ATP8B4: variants seen among roughly 807,000 people sequenced by gnomAD.
ATP8B4 encodes probable phospholipid-transporting ATPase IM.
A neutral mutation model predicts 145.6 loss-of-function variants in ATP8B4; 133 were observed. That is an observed-to-expected ratio of 0.91 (90% CI 0.79 to 1.05). ATP8B4 has a LOEUF of 1.05. Among genes scored for constraint, ATP8B4 ranks in the 50% least tolerant of loss-of-function variants. The pLI is 0.00. For synonymous variants in ATP8B4, 507 were observed against 492.9 expected, an observed-to-expected ratio of 1.03 and a Z score of -0.38; for missense variants, 1,458 against 1,425.2, an observed-to-expected ratio of 1.02 and a Z score of -0.37.
At chr15:49,898,323 TTTTGTTTGCTAAAACCATTTCA>T (rs1719961787) in intron 21 of ATP8B4, 72 bp from the exon 22 acceptor site, 2 of 1,445,154 alleles carry the variant, frequency 1.4e-6, no homozygotes, top group African/African-American at 1.4e-5. Context: ...AAGACAAATG[TTTTGTTTGCTAAAACCATTTCA>T]TTTGTTTGCT....
chr15:50,103,462 A>G (rs780507187), intron 2 of ATP8B4, among the ~76,000 whole-genome samples: 13 of 152,160 alleles, frequency 8.5e-5, no homozygotes, highest in Non-Finnish European at 1.9e-4. Flanking sequence ...TCAAGCTGAG[A>G]ATCAAATGAA....
chr15:49,870,417 G>C (rs749857141), intron 25 of ATP8B4, among the ~76,000 whole-genome samples: 1 of 152,106 alleles, frequency 6.6e-6, no homozygotes, highest in Admixed American at 6.6e-5. Context: ...TGTACTCTTT[G>C]AAATGTTTAA....
Position 50,010,893 on chromosome 15 carries a change from A to T in ATP8B4, c.387T>A (p.Asn129Lys). 6.4e-7 allele frequency: 1 copy of T among 1,561,368 alleles called. No homozygotes were observed. The highest frequency in any genetic ancestry group is 2.4e-5 in the East Asian group (1 of 41,854). The change falls in exon 7 of 28, where the codon AAT becomes AAA. Residue 129 changes from asparagine to lysine, a missense_variant. By Grantham distance (94) the Asn-to-Lys change is moderately conservative. Transcript: ENST00000284509. ...ATTTAATGATGTCTCCCACTTTGAC[A>T]TTCATCCATTTTTCATTCTGCAGTC... The part of the protein sequence containing the change: ...NSKLQNEKWM[N>K]VKVGDIIKLE...
chr15:49,960,006 C>T (rs1026680464), intron 14 of ATP8B4, among the ~76,000 whole-genome samples: 3 of 151,126 alleles, frequency 2.0e-5, no homozygotes, highest in Non-Finnish European at 4.4e-5. Context: ...AATGTTAGAG[C>T]CTTGAGCCTT....
At chr15:50,146,158 G>A (rs187985973) in intron 1 of ATP8B4, among the ~76,000 whole-genome samples, 4 of 152,052 alleles carry the variant, frequency 2.6e-5, no homozygotes, top group South Asian at 4.2e-4. Context: ...GATTACAGGC[G>A]TCTGCCACCG....
intron 21 of ATP8B4, among the ~76,000 whole-genome samples, chr15:49,900,045 C>A (rs2037848081): frequency 6.6e-6 from 1 of 152,168 alleles, no homozygotes; most frequent in Non-Finnish European, 1.5e-5. Flanking sequence ...ATATTGTGGT[C>A]TCTGGGGAAT....
intron 10 of ATP8B4, among the ~76,000 whole-genome samples, chr15:49,986,588 C>T (rs1309029272): frequency 6.6e-6 from 1 of 152,156 alleles, no homozygotes; most frequent in Non-Finnish European, 1.5e-5. Flanking sequence ...TTAATGAACA[C>T]TTTGTTGTTG....
rs573092913 is a variant in ATP8B4 at position 50,119,206 on chromosome 15, A to G, written c.-126T>C. Reference sequence around the variant, plus strand: ...TCAAACAGGTATCCATTCCGTGACCATGCCAAGGAGAAAAGCAAGGCTACT... The same window carrying G: ...TCAAACAGGTATCCATTCCGTGACCGTGCCAAGGAGAAAAGCAAGGCTACT... On this transcript the variant is annotated 5_prime_UTR_variant, in exon 1 of 28. It removes an upstream start codon present in the reference 5' UTR. Coordinates refer to ENST00000284509, the MANE Select transcript of ATP8B4 (RefSeq NM_024837.4). 5 of 152,292 alleles carry G rather than the reference A, an allele frequency of 3.3e-5. No individual in the cohort carries two copies. Among genetic ancestry groups the G allele is most frequent in the Admixed American group, 1.3e-4 (2 of 15,268 alleles). 9.4% of individuals were successfully genotyped at this position (152,292 alleles called of 1,614,324 possible). A position where few individuals can be genotyped will look rare whatever the true frequency, so the allele number is the denominator to read the frequency against.
At position 50,029,001 on chromosome 15, in the gene ATP8B4, G is replaced by A. The variant is rs575348003; in HGVS notation, c.362+9767C>T. On this transcript the variant is annotated intron_variant, in intron 6 of 27. Coordinates refer to ENST00000284509, the MANE Select transcript of ATP8B4 (RefSeq NM_024837.4). ...TGTAATCCCAGCACTTTGGGAGGCCGAGGCAGGCGGATCATGAGGTCAGGA... is the reference window on the plus strand; with the variant it reads ...TGTAATCCCAGCACTTTGGGAGGCCAAGGCAGGCGGATCATGAGGTCAGGA... Among the ~76,000 whole-genome samples, 759 of 152,096 alleles carry A rather than the reference G, an allele frequency of 5.0e-3. 6 individuals are homozygous for A. The highest frequency in any genetic ancestry group is 0.018 in the African/African-American group (728 of 41,484).
Position 49,985,077 on chromosome 15 carries a change from G to A in ATP8B4, c.748+2314C>T, listed in dbSNP as rs140777099. Reference sequence around the variant, plus strand: ...TATAACTAGAGTAATAACACAGAAAGAATACTTAATAATTCATTTTGGATT... The same window carrying A: ...TATAACTAGAGTAATAACACAGAAAAAATACTTAATAATTCATTTTGGATT... On this transcript the variant is annotated intron_variant, in intron 10 of 27. Coordinates refer to ENST00000284509, the MANE Select transcript of ATP8B4 (RefSeq NM_024837.4). Among the ~76,000 whole-genome samples, 37 of 150,872 alleles carry A rather than the reference G, an allele frequency of 2.5e-4. No individual in the cohort carries two copies. The East Asian group carries it at 6.8e-3, about 28-fold the overall frequency.
chr15:49,897,549 A>G lies in ATP8B4; in HGVS notation c.2474-34T>C, dbSNP rs372293810. Reference sequence around the variant, plus strand: ...GAAAGAGGAACACTGTCACTCCCAAAACAAAGCCACGATCTCTTTTGGAAA... The same window carrying G: ...GAAAGAGGAACACTGTCACTCCCAAGACAAAGCCACGATCTCTTTTGGAAA... On this transcript the variant is annotated intron_variant, in intron 22 of 27. Transcript: ENST00000284509. 86 of 1,439,020 alleles carry G rather than the reference A, an allele frequency of 6.0e-5. No individual in the cohort carries two copies. The African/African-American group carries it at 1.1e-3, about 19-fold the overall frequency. 89.1% of individuals were successfully genotyped at this position (1,439,020 alleles called of 1,614,324 possible). A position where few individuals can be genotyped will look rare whatever the true frequency, so the allele number is the denominator to read the frequency against.
chr15:49,919,074 A>G (rs1403066640), intron 18 of ATP8B4, 124 bp from the exon 19 acceptor site: 1 of 711,184 alleles, frequency 1.4e-6, no homozygotes, highest in African/African-American at 1.8e-5. Context: ...ATTATGATAC[A>G]TTGATATAGC....
At chr15:49,874,416 C>T (rs1281985186) in intron 25 of ATP8B4, among the ~76,000 whole-genome samples, 1 of 152,050 alleles carries the variant, frequency 6.6e-6, no homozygotes, top group African/African-American at 2.4e-5. Context: ...ATTCCAGGAG[C>T]AGAACAAAAG....
chr15:50,005,413 T>C lies in ATP8B4; in HGVS notation c.436-3190A>G, dbSNP rs75936132. Among the ~76,000 whole-genome samples the C allele has an allele frequency of 8.2e-3, 1,249 of 152,332 alleles. 8 individuals are homozygous for C. The highest frequency in any genetic ancestry group is 0.011 in the Non-Finnish European group (779 of 68,032). ...AACACCCTAAAGCTGTACAATTCTTTAAGGATTTATAAAACCCTCTCTCAT... is the reference window on the plus strand; with the variant it reads ...AACACCCTAAAGCTGTACAATTCTTCAAGGATTTATAAAACCCTCTCTCAT... On this transcript the variant is annotated intron_variant, in intron 7 of 27. Transcript: ENST00000284509.
chr15:50,109,477 A>G (rs2056838248), intron 1 of ATP8B4, among the ~76,000 whole-genome samples: 1 of 152,076 alleles, frequency 6.6e-6, no homozygotes, highest in Non-Finnish European at 1.5e-5. Context: ...CGACATCTGT[A>G]TCTGGTGGCC....
rs548282155 is a variant in ATP8B4, at chr15:49,973,528, C to A, written c.1035-738G>T. On this transcript the variant is annotated intron_variant, in intron 12 of 27. Transcript: ENST00000284509. ...AAACAGTATTTCCATGAAGCAGAAC[C>A]AAACCATAACAAATACTGAGTGAAA... Among the ~76,000 whole-genome samples, 6 of 152,274 alleles carry A rather than the reference C, an allele frequency of 3.9e-5. No homozygotes were observed. The South Asian group carries it at 1.0e-3, about 26-fold the overall frequency.
chr15:50,054,419 G>A (rs1272777911), intron 3 of ATP8B4, among the ~76,000 whole-genome samples: 1 of 152,170 alleles, frequency 6.6e-6, no homozygotes, highest in African/African-American at 2.4e-5. Flanking sequence ...ATCACTAATG[G>A]CTATTGCAAC....
chr15:50,070,305 T>TA (rs35877123), intron 3 of ATP8B4, among the ~76,000 whole-genome samples: 54 of 146,044 alleles, frequency 3.7e-4, no homozygotes, highest in Admixed American at 1.2e-3. Flanking sequence ...GTTTAGGGGT[T>TA]AAAAAAAAAA....
At position 49,860,316 on chromosome 15, in the gene ATP8B4, G is replaced by T; in HGVS notation, c.3457C>A (p.Pro1153Thr). ...TSGKNMRAKN[P>T]PPTSGLEKTH... ...TTTTCCAGCCCTGATGTTGGGGGTG[G>T]ATTTTTAGCTCGCATATTTTTTCCA... The change falls in exon 28 of 28, where the codon CCA becomes ACA. Residue 1153 changes from proline to threonine, a missense_variant. Transcript: ENST00000284509. 6.2e-7 allele frequency: 1 copy of T among 1,614,102 alleles called. No homozygotes were observed. Among genetic ancestry groups the T allele is most frequent in the Non-Finnish European group, 8.5e-7 (1 of 1,180,000 alleles).
Sources: gnomAD v4.1 joint callset for allele counts (sites outside exome capture counted in the v4.1 genomes callset) on GRCh38, gnomAD v4.1.1 for gene constraint, MANE v1.5 for transcripts, NCBI Gene and HGNC (gene_info 2026-07-23, HGNC 2026-07-21) for gene names.